The following PCDHGB7 variants were observed in gnomAD, a reference collection of about 807,000 sequenced individuals.
PCDHGB7 encodes protocadherin gamma subfamily B, 7.
PCDHGB7 carries 37 observed loss-of-function variants against 61.4 expected under a neutral mutation model. The ratio of observed to expected loss-of-function variants is 0.60; its 90% confidence interval spans 0.46 to 0.79. PCDHGB7 has a LOEUF of 0.79. Among genes scored for constraint, PCDHGB7 ranks in the 30% least tolerant of loss-of-function variants. The probability of loss-of-function intolerance (pLI) is 0.00; values close to 1 mark genes in which losing one functional copy is unlikely to be tolerated. For synonymous variants in PCDHGB7, 464 were observed against 503.5 expected (o/e 0.92, Z 1.05); for missense variants, 1,166 against 1,202.5 (o/e 0.97, Z 0.45).
At chr5:141,474,002 G>A (rs1020912365) in intron 1 of PCDHGB7, among the ~76,000 whole-genome samples, 5 of 152,078 alleles carry the variant, frequency 3.3e-5, no homozygotes, top group Non-Finnish European at 5.9e-5. Context: ...CCAAGGAGCT[G>A]GAAGTTACAG....
chr5:141,444,373 G>A (rs2098434682), intron 1 of PCDHGB7, among the ~76,000 whole-genome samples: 1 of 151,902 alleles, frequency 6.6e-6, no homozygotes, highest in South Asian at 2.1e-4. Context: ...GTTTCTCCAT[G>A]TTGGTCAGGC....
intron 1 of PCDHGB7, among the ~76,000 whole-genome samples, chr5:141,457,387 T>A (rs530736201): frequency 2.0e-5 from 3 of 152,340 alleles, no homozygotes; most frequent in Non-Finnish European, 2.9e-5. Context: ...AGAACTAGCA[T>A]ATTGATTCAC....
At chr5:141,457,230 A>G (rs1248092452) in intron 1 of PCDHGB7, among the ~76,000 whole-genome samples, 2 of 152,174 alleles carry the variant, frequency 1.3e-5, no homozygotes, top group African/African-American at 4.8e-5. Flanking sequence ...GGTAATTTCC[A>G]TCTAAAATTT....
rs181495329 is a variant in PCDHGB7, at chr5:141,489,120, G to A, written c.2416-5687G>A. ...AACTGCTGCAAGCAGGCAAACCTCC[G>A]AGCAGTTTTTAAGAGGCTGGAAGGA... is the stretch of plus-strand genomic sequence containing the variant. On this transcript the variant is annotated intron_variant, in intron 1 of 3. Coordinates refer to ENST00000398594, the MANE Select transcript of PCDHGB7 (RefSeq NM_018927.4). This position sits in a 1 kb window ranked among gnomAD's most constrained non-coding sequence, Gnocchi z 4.5. 1.8e-5 allele frequency: 8 copies of A among 445,672 alleles called. No homozygotes were observed. The East Asian group carries it at 1.9e-4, about 11-fold the overall frequency. The allele number at this position is 445,672 out of a possible 1,614,324, so 27.6% of individuals were successfully genotyped here.
intron 1 of PCDHGB7, chr5:141,427,797 G>A (rs1194658203): frequency 6.0e-6 from 9 of 1,505,188 alleles, no homozygotes; most frequent in Admixed American, 3.4e-5. Context: ...CTACGTGTCC[G>A]TGAGCGCACA....
Position 141,491,826 on chromosome 5 carries a change from C to A in PCDHGB7, c.2416-2981C>A. 1 of 1,477,526 alleles carries A rather than the reference C, an allele frequency of 6.8e-7. No homozygotes were observed. The highest frequency in any genetic ancestry group is 9.0e-7 in the Non-Finnish European group (1 of 1,114,486). The allele number at this position is 1,477,526 out of a possible 1,614,324, so 91.5% of individuals were successfully genotyped here. A position where few individuals can be genotyped will look rare whatever the true frequency, so the allele number is the denominator to read the frequency against. ...GGCTTGGTCGCTGGCTGCGCTCCAC[C>A]CGATTCTCGGGATCATTGGACCGTT... On this transcript the variant is annotated intron_variant, in intron 1 of 3. Transcript: ENST00000398594. The surrounding 1 kb of genome is among the most constrained non-coding windows in gnomAD (Gnocchi z 6.9).
At chr5:141,423,123 A>C in intron 1 of PCDHGB7, 1 of 1,613,760 alleles carries the variant, frequency 6.2e-7, no homozygotes. Flanking sequence ...CAGCGCGGGC[A>C]CTGCTGGACA....
rs1048081343 is a variant in PCDHGB7 at position 141,432,618 on chromosome 5, G to C, written c.2415+12344G>C. 6.2e-7 allele frequency: 1 copy of C among 1,612,806 alleles called. No individual in the cohort carries two copies. Among genetic ancestry groups the C allele is most frequent in the South Asian group, 1.1e-5 (1 of 90,950 alleles). ...AGCGAGCCGGGACTCTTCTCGGTGG[G>C]TCTGCACACGGGCGAGGTGCGCACG... On this transcript the variant is annotated intron_variant, in intron 1 of 3. Transcript: ENST00000398594. The surrounding 1 kb of genome is among the most constrained non-coding windows in gnomAD (Gnocchi z 6.0).
chr5:141,447,689 AG>A lies in PCDHGB7; in HGVS notation c.2415+27418del, dbSNP rs145694922. ...TTAGAACTGTTCCATATCTTGATAGAGGGATGGGTTATAAGGATGTACACAT... is the reference window on the plus strand; with the variant it reads ...TTAGAACTGTTCCATATCTTGATAGAGGATGGGTTATAAGGATGTACACAT... On this transcript the variant is annotated intron_variant, in intron 1 of 3. Coordinates refer to ENST00000398594, the MANE Select transcript of PCDHGB7 (RefSeq NM_018927.4). Among the ~76,000 whole-genome samples the A allele has an allele frequency of 4.6e-3, 694 of 152,302 alleles. 4 individuals are homozygous for A. The highest frequency in any genetic ancestry group is 0.015 in the African/African-American group (633 of 41,566).
chr5:141,431,464 G>A lies in PCDHGB7; in HGVS notation c.2415+11190G>A. The A allele has an allele frequency of 1.9e-6, 3 of 1,613,782 alleles. No individual in the cohort carries two copies. Among genetic ancestry groups the A allele is most frequent in the Non-Finnish European group, 1.7e-6 (2 of 1,179,972 alleles). ...GCATCCGCGTGATGGTTCTGGATGC[G>A]AACGACAACGCACCAGCGTTTGCTC... On this transcript the variant is annotated intron_variant, in intron 1 of 3. Coordinates refer to ENST00000398594, the MANE Select transcript of PCDHGB7 (RefSeq NM_018927.4). This position sits in a 1 kb window ranked among gnomAD's most constrained non-coding sequence, Gnocchi z 4.8.
chr5:141,512,068 C>T lies in PCDHGB7; in HGVS notation c.*895C>T, dbSNP rs1215311369. 6.6e-6 allele frequency: 1 copy of T among 152,664 alleles called. No individual in the cohort carries two copies. The highest frequency in any genetic ancestry group is 1.5e-5 in the Non-Finnish European group (1 of 68,066). The allele number at this position is 152,664 out of a possible 1,614,324, so 9.5% of individuals were successfully genotyped here. On this transcript the variant is annotated 3_prime_UTR_variant, in exon 4 of 4. Transcript: ENST00000398594. The stretch of plus-strand genomic sequence containing the variant: ...TCCTCAGGGGACTGACAACATCCTC[C>T]AGATTCCAGCCATAAACCAATAACT...
intron 1 of PCDHGB7, among the ~76,000 whole-genome samples, chr5:141,434,748 C>T (rs932613622): frequency 2.0e-5 from 3 of 151,818 alleles, no homozygotes; most frequent in African/African-American, 7.3e-5. Flanking sequence ...CTATGAGACC[C>T]CTGATTCCCC....
Position 141,491,498 on chromosome 5 carries a change from C to T in PCDHGB7, c.2416-3309C>T, listed in dbSNP as rs975297143. 2 of 1,614,102 alleles carry T rather than the reference C, an allele frequency of 1.2e-6. No homozygotes were observed. Among genetic ancestry groups the T allele is most frequent in the Non-Finnish European group, 1.7e-6 (2 of 1,180,018 alleles). ...TCCAGCCCCAACCTGCAGGTGAGCT[C>T]GGACGGCACGCTCAAGTACATGGAG... On this transcript the variant is annotated intron_variant, in intron 1 of 3. Transcript: ENST00000398594. The surrounding 1 kb of genome is among the most constrained non-coding windows in gnomAD (Gnocchi z 6.9).
Position 141,487,491 on chromosome 5 carries a change from C to T in PCDHGB7, c.2416-7316C>T. ...GTGGGAGGCCACTCTCATGGCTGTA[C>T]ACCCTTGGCTTCTGCACCCACTCGG... is the stretch of plus-strand genomic sequence containing the variant. On this transcript the variant is annotated intron_variant, in intron 1 of 3. Transcript: ENST00000398594. This position sits in a 1 kb window ranked among gnomAD's most constrained non-coding sequence, Gnocchi z 5.0. 6.2e-7 allele frequency: 1 copy of T among 1,614,204 alleles called. No individual in the cohort carries two copies. Among genetic ancestry groups the T allele is most frequent in the Non-Finnish European group, 8.5e-7 (1 of 1,180,034 alleles).
chr5:141,472,465 A>C (rs886879646), intron 1 of PCDHGB7, among the ~76,000 whole-genome samples: 4 of 152,032 alleles, frequency 2.6e-5, no homozygotes, highest in Non-Finnish European at 5.9e-5. Flanking sequence ...GCTTGAACCC[A>C]GAAGGCAGAG....
At chr5:141,500,227 G>T (rs959087347) in intron 2 of PCDHGB7, among the ~76,000 whole-genome samples, 15 of 116,224 alleles carry the variant, frequency 1.3e-4, no homozygotes, top group African/African-American at 2.9e-4. Context: ...TTTATTTATT[G>T]ATACGTAGCC....
At position 141,511,124 on chromosome 5, in the gene PCDHGB7, C is replaced by A. The variant is rs752246201; in HGVS notation, c.2741C>A (p.Ala914Glu). The A allele has an allele frequency of 6.2e-7, 1 of 1,614,206 alleles. No homozygotes were observed. The highest frequency in any genetic ancestry group is 8.5e-7 in the Non-Finnish European group (1 of 1,180,022). ...AAGKRDGKAP[A>E]GGNGNKKKSG... The stretch of plus-strand genomic sequence containing the variant: ...GGCAAGCGGGATGGCAAGGCCCCAG[C>A]AGGTGGCAATGGCAACAAGAAGAAG... Residue 914 changes from alanine (A) to glutamate (E), a missense_variant, in exon 4 of 4, where the codon GCA becomes GAA. Coordinates refer to ENST00000398594, the MANE Select transcript of PCDHGB7 (RefSeq NM_018927.4).
At chr5:141,433,605 G>C (rs1411907056) in intron 1 of PCDHGB7, among the ~76,000 whole-genome samples, 1 of 152,114 alleles carries the variant, frequency 6.6e-6, no homozygotes. Context: ...GGAGGCCGAG[G>C]CGGGTGGATC....
intron 3 of PCDHGB7, among the ~76,000 whole-genome samples, chr5:141,510,378 C>A (rs919650449): frequency 6.6e-6 from 1 of 151,786 alleles, no homozygotes; most frequent in East Asian, 2.0e-4. Flanking sequence ...TCTACTCGTG[C>A]CAGGCCTTGC....
Sources: allele counts gnomAD v4.1 joint callset (sites outside exome capture counted in the v4.1 genomes callset), GRCh38; gene constraint gnomAD v4.1.1; non-coding constraint Gnocchi (gnomAD v3.1); transcripts MANE v1.5; gene names NCBI Gene and HGNC (gene_info 2026-07-23, HGNC 2026-07-21).